The following MAX variants were observed in gnomAD, a reference collection of about 807,000 sequenced individuals.
MAX encodes MYC associated transcriptional regulator X.
Under a neutral mutation model 22.3 loss-of-function variants are expected in MAX, and 3 were observed. The observed-to-expected ratio is 0.13, with a 90% CI of 0.06 to 0.35. The LOEUF (loss-of-function observed/expected upper bound fraction) is 0.35, where lower values mean the gene tolerates loss of function less well. Ranked by LOEUF, MAX falls within the 10% of genes least tolerant of loss-of-function variation. The pLI, the probability that MAX is intolerant of heterozygous loss-of-function variation, is 1.00. For missense variants in MAX, 119 were observed against 209.4 expected (o/e 0.57, Z 2.66); for synonymous variants, 72 against 77.7 (o/e 0.93, Z 0.39).
At chr14:65,097,678 A>T (rs1344453678) in intron 2 of MAX, among the ~76,000 whole-genome samples, 10 of 152,236 alleles carry the variant, frequency 6.6e-5, no homozygotes, top group Non-Finnish European at 2.9e-5. Context: ...GACTAAGGAC[A>T]CGAGAATACA....
At chr14:65,094,338 C>T (rs1245617439) in intron 2 of MAX, 1 of 177,214 alleles carries the variant, frequency 5.6e-6, no homozygotes, top group East Asian at 1.4e-4. Context: ...TTAAGACCTT[C>T]TCACCAAATC....
intron 3 of MAX, among the ~76,000 whole-genome samples, chr14:65,013,432 A>G (rs2061716150): frequency 6.6e-6 from 1 of 151,976 alleles, no homozygotes; most frequent in Non-Finnish European, 1.5e-5. Flanking sequence ...TCCATGGGCT[A>G]GATTTGGCCT....
intron 3 of MAX, among the ~76,000 whole-genome samples, chr14:65,065,239 C>T (rs1165594589): frequency 6.6e-6 from 1 of 152,324 alleles, no homozygotes; most frequent in East Asian, 1.9e-4. Context: ...GAGAAGCCAG[C>T]ACACACATAT....
At chr14:65,080,099 C>T (rs1228411989) in intron 3 of MAX, among the ~76,000 whole-genome samples, 1 of 152,094 alleles carries the variant, frequency 6.6e-6, no homozygotes, top group African/African-American at 2.4e-5. Context: ...AGAGACACCA[C>T]GGGAAAGATG....
At chr14:65,057,672 AATAGTCTAAAGCT>A in intron 3 of MAX, among the ~76,000 whole-genome samples, 1 of 152,310 alleles carries the variant, frequency 6.6e-6, no homozygotes, top group East Asian at 1.9e-4. Context: ...ACTTCTTCTA[AATAGTCTAAAGCT>A]TGCTTTTTTA....
chr14:65,052,375 T>A (rs545075888), intron 3 of MAX, among the ~76,000 whole-genome samples: 12 of 152,346 alleles, frequency 7.9e-5, no homozygotes, highest in African/African-American at 2.6e-4. Flanking sequence ...TTGTTGGGCA[T>A]CTTTTTTTTA....
chr14:65,021,956 A>T (rs2061895624), intron 3 of MAX: 1 of 455,894 alleles, frequency 2.2e-6, no homozygotes, highest in African/African-American at 2.0e-5. Flanking sequence ...TATAGTAGCC[A>T]ACTTTCGACC....
At chr14:65,036,711 T>G (rs1157767443) in intron 3 of MAX, among the ~76,000 whole-genome samples, 1 of 152,088 alleles carries the variant, frequency 6.6e-6, no homozygotes, top group Non-Finnish European at 1.5e-5. Context: ...TCTTTTTGTG[T>G]GTGATGGAGT....
chr14:65,075,426 G>A lies in MAX; in HGVS notation c.*1050C>T, dbSNP rs2063032467. The A allele has an allele frequency of 9.4e-7, 1 of 1,063,976 alleles. No homozygotes were observed. Among genetic ancestry groups the A allele is most frequent in the Non-Finnish European group, 1.1e-6 (1 of 878,132 alleles). 65.9% of individuals were successfully genotyped at this position (1,063,976 alleles called of 1,614,324 possible). A position where few individuals can be genotyped will look rare whatever the true frequency, so the allele number is the denominator to read the frequency against. ...TCCAGGACAGTAGGAAAGGAAGTGG[G>A]ATGAGGGCTGGGAAGGGTCCGCACT... On this transcript the variant is annotated 3_prime_UTR_variant, in exon 5 of 5. Coordinates refer to ENST00000358664, the MANE Select transcript of MAX (RefSeq NM_002382.5). This position sits in a 1 kb window ranked among gnomAD's most constrained non-coding sequence, Gnocchi z 4.1.
Position 65,047,080 on chromosome 14 carries a change from G to A in MAX, c.172-40796C>T, listed in dbSNP as rs1460566739. ...CAACCCAACTGAAAAACAGGCAAAG[G>A]ATCTGAAGAAAGAGGTCCCAGTGAA... is the stretch of plus-strand genomic sequence containing the variant. On this transcript the variant is annotated intron_variant, in intron 3 of 3. Transcript: ENST00000341653. This position sits in a 1 kb window ranked among gnomAD's most constrained non-coding sequence, Gnocchi z 5.2. Among the ~76,000 whole-genome samples, 1 of 152,116 alleles carries A rather than the reference G, an allele frequency of 6.6e-6. No homozygotes were observed. The highest frequency in any genetic ancestry group is 2.4e-5 in the African/African-American group (1 of 41,420).
In MAX at chr14:65,076,239, G is replaced by A; in HGVS notation, c.*237C>T. The stretch of plus-strand genomic sequence containing the variant: ...GGGGTGTTTTGGTTTAAAAATTCCT[G>A]TTGGGGACAGGGAATCCCTGAAGGG... On this transcript the variant is annotated 3_prime_UTR_variant, in exon 5 of 5. Coordinates refer to ENST00000358664, the MANE Select transcript of MAX (RefSeq NM_002382.5). The surrounding 1 kb of genome is among the most constrained non-coding windows in gnomAD (Gnocchi z 6.6). 7 of 1,427,948 alleles carry A rather than the reference G, an allele frequency of 4.9e-6. No homozygotes were observed. Among genetic ancestry groups the A allele is most frequent in the Non-Finnish European group, 6.4e-6 (7 of 1,097,156 alleles). 88.5% of individuals were successfully genotyped at this position (1,427,948 alleles called of 1,614,324 possible). A position where few individuals can be genotyped will look rare whatever the true frequency, so the allele number is the denominator to read the frequency against.
At chr14:65,099,259 G>A (rs939312592) in intron 2 of MAX, among the ~76,000 whole-genome samples, 4 of 151,886 alleles carry the variant, frequency 2.6e-5, no homozygotes, top group Non-Finnish European at 5.9e-5. Flanking sequence ...TAATTACATT[G>A]TGCAGAGTAA....
intron 3 of MAX, among the ~76,000 whole-genome samples, chr14:65,020,379 C>T (rs576997417): frequency 6.6e-6 from 1 of 152,326 alleles, no homozygotes; most frequent in African/African-American, 2.4e-5. Flanking sequence ...TCCCAAAACA[C>T]TGGGATTATA....
downstream of MAX, among the ~76,000 whole-genome samples, chr14:65,071,406 AGT>A (rs2062987388): frequency 1.3e-5 from 2 of 152,194 alleles, no homozygotes; most frequent in African/African-American, 4.8e-5. The surrounding 1 kb of genome is among the most constrained non-coding windows in gnomAD (Gnocchi z 4.2). Context: ...GGCTTCCCAA[AGT>A]GCTGATATTA....
At chr14:65,058,472 T>C (rs928351646) in intron 3 of MAX, among the ~76,000 whole-genome samples, 5 of 152,234 alleles carry the variant, frequency 3.3e-5, no homozygotes, top group East Asian at 3.8e-4. Flanking sequence ...TGCCTTGTAT[T>C]GTTGGGTAAG....
intron 3 of MAX, among the ~76,000 whole-genome samples, chr14:65,085,861 A>C (rs2139812238): frequency 6.6e-6 from 1 of 152,270 alleles, no homozygotes; most frequent in Middle Eastern, 3.4e-3. Flanking sequence ...AGATAAGCTG[A>C]GAATGAAATT....
Position 65,009,915 on chromosome 14 carries a change from G to T in MAX, c.172-3631C>A, listed in dbSNP as rs974757772. On this transcript the variant is annotated intron_variant, in intron 3 of 3. Coordinates refer to the MAX transcript ENST00000341653. The surrounding 1 kb of genome is among the most constrained non-coding windows in gnomAD (Gnocchi z 4.2). ...CATGTGTGTCCACCTCTGGACTGTCGCTCTAGGGTACAGAGCAGCCTCTAC... is the reference window on the plus strand; with the variant it reads ...CATGTGTGTCCACCTCTGGACTGTCTCTCTAGGGTACAGAGCAGCCTCTAC... Among the ~76,000 whole-genome samples, 9 of 152,050 alleles carry T rather than the reference G, an allele frequency of 5.9e-5. No individual in the cohort carries two copies. Among genetic ancestry groups the T allele is most frequent in the African/African-American group, 1.9e-4 (8 of 41,380 alleles).
Position 65,017,308 on chromosome 14 carries a change from A to T in MAX, c.172-11024T>A, listed in dbSNP as rs529580470. Among the ~76,000 whole-genome samples, 12 of 152,202 alleles carry T rather than the reference A, an allele frequency of 7.9e-5. 1 individual carries two copies. The highest frequency in any genetic ancestry group is 2.9e-4 in the African/African-American group (12 of 41,518). ...ACTCCTACACAATCAGGATATTTGGAAAGTTTTCCCTTCACTCTTGCACAA... is the reference window on the plus strand; with the variant it reads ...ACTCCTACACAATCAGGATATTTGGTAAGTTTTCCCTTCACTCTTGCACAA... On this transcript the variant is annotated intron_variant, in intron 3 of 3. Coordinates refer to the MAX transcript ENST00000341653.
rs759867167 is a variant in MAX, at chr14:65,027,461, A to C, written c.172-21177T>G. Reference sequence around the variant, plus strand: ...TTTGGCTGTGTACCTAGTGTGTGTCAGTTCCTGGAGCTGTGTCAGAGCCCA... The same window carrying C: ...TTTGGCTGTGTACCTAGTGTGTGTCCGTTCCTGGAGCTGTGTCAGAGCCCA... On this transcript the variant is annotated intron_variant, in intron 3 of 3. Coordinates refer to the MAX transcript ENST00000341653. The surrounding 1 kb of genome is among the most constrained non-coding windows in gnomAD (Gnocchi z 5.7). 6 of 1,614,062 alleles carry C rather than the reference A, an allele frequency of 3.7e-6. No homozygotes were observed. The Admixed American group carries it at 1.0e-4, about 27-fold the overall frequency.
Sources: gnomAD v4.1 joint callset for allele counts (sites outside exome capture counted in the v4.1 genomes callset) on GRCh38, gnomAD v4.1.1 for gene constraint, Gnocchi (gnomAD v3.1) non-coding constraint, MANE v1.5 for transcripts, NCBI Gene and HGNC (gene_info 2026-07-23, HGNC 2026-07-21) for gene names.